Variants in LRBA observed in about 807,000 individuals in gnomAD.
LRBA encodes LPS responsive beige-like anchor protein, also known as lipopolysaccharide-responsive and beige-like anchor protein.
A neutral mutation model predicts 330.0 loss-of-function variants in LRBA; 176 were observed. That is an observed-to-expected ratio of 0.53 (90% CI 0.47 to 0.60). The LOEUF is 0.60. Ranked by LOEUF, LRBA falls within the 20% of genes least tolerant of loss-of-function variation. The pLI is 0.00. For missense variants in LRBA, 3,259 were observed against 3,444.8 expected (o/e 0.95, Z 1.35); for synonymous variants, 1,230 against 1,193.0 (o/e 1.03, Z -0.64).
At position 150,607,690 on chromosome 4, in the gene LRBA, C is replaced by T. The variant is rs183042678; in HGVS notation, c.5922-8559G>A. Among the ~76,000 whole-genome samples the T allele has an allele frequency of 4.0e-5, 6 of 151,796 alleles. No individual in the cohort carries two copies. In the East Asian group the frequency reaches 5.8e-4, roughly 15 times the overall value. On this transcript the variant is annotated intron_variant, in intron 37 of 56. Transcript: ENST00000651943. Reference sequence around the variant, plus strand: ...GCTGAGACAGGTGGATCACTTGAGCCGTGGAGTTCAAGACCAGCCTGGCCA... The same window carrying T: ...GCTGAGACAGGTGGATCACTTGAGCTGTGGAGTTCAAGACCAGCCTGGCCA...
chr4:150,440,047 T>C (rs997424639), intron 44 of LRBA, among the ~76,000 whole-genome samples: 4 of 152,190 alleles, frequency 2.6e-5, no homozygotes, highest in African/African-American at 4.8e-5. Flanking sequence ...ACTTATATAG[T>C]ATATTAAGAG....
At chr4:150,896,001 C>A (rs967120104) in intron 16 of LRBA, among the ~76,000 whole-genome samples, 13 of 152,124 alleles carry the variant, frequency 8.5e-5, no homozygotes, top group Non-Finnish European at 1.8e-4. Context: ...TATAAATGAG[C>A]TGTTTAATAT....
rs1334642981 is a variant in LRBA at position 150,647,360 on chromosome 4, T to TTC, written c.5921+36190_5921+36191insGA. 8.1e-5 allele frequency among the ~76,000 whole-genome samples: 11 copies of TTC among 135,460 alleles called. No individual in the cohort carries two copies. In the Admixed American group the frequency reaches 8.2e-4, roughly 10 times the overall value. The allele number at this position is 135,460 out of a possible 152,430, so 88.9% of individuals were successfully genotyped here. On this transcript the variant is annotated intron_variant, in intron 37 of 56. Transcript: ENST00000651943. Reference sequence around the variant, plus strand: ...TAAAATGATTACTTTTTCTTTTTTTTTTTTTTTTTTTTTTTGAGACAGGGT... The same window carrying TTC: ...TAAAATGATTACTTTTTCTTTTTTTTTCTTTTTTTTTTTTTTTGAGACAGGGT...
At chr4:150,368,125 G>T (rs1301002572) in intron 47 of LRBA, among the ~76,000 whole-genome samples, 1 of 151,930 alleles carries the variant, frequency 6.6e-6, no homozygotes. Context: ...TTCTCTCAAG[G>T]TGCCGGTTCC....
rs1553964882 is a variant in LRBA, at chr4:150,803,083, T to TACACACAC, written c.5518+3180_5518+3187dup. On this transcript the variant is annotated intron_variant, in intron 33 of 56. Transcript: ENST00000651943. ...AAAACAAACAAAAAAAAAATATATA[T>TACACACAC]ACACACACACACACACACACACACA... Among the ~76,000 whole-genome samples, 36 of 128,484 alleles carry TACACACAC rather than the reference T, an allele frequency of 2.8e-4. 2 individuals are homozygous for TACACACAC. The highest frequency in any genetic ancestry group is 2.0e-3 in the East Asian group (9 of 4,506). The allele number at this position is 128,484 out of a possible 152,430, so 84.3% of individuals were successfully genotyped here.
chr4:150,277,860 C>T lies in LRBA; in HGVS notation c.8461G>A (p.Asp2821Asn), dbSNP rs191145485. The change falls in exon 56 of 57, where the codon GAC becomes AAC. Residue 2821 changes from aspartate to asparagine, a missense_variant. Transcript: ENST00000651943. ...AGIRAMALSY[D>N]QRCIISGMAS... ...CCATGATTCCAGTGTTACCTCTGGT[C>T]GTAAGACAGCGCCATGGCCCGGATT... 8.1e-5 allele frequency: 131 copies of T among 1,613,946 alleles called. No individual in the cohort carries two copies. Among genetic ancestry groups the T allele is most frequent in the Admixed American group, 1.7e-4 (10 of 60,002 alleles).
intron 40 of LRBA, among the ~76,000 whole-genome samples, chr4:150,576,477 C>T (rs1430021854): frequency 1.3e-5 from 2 of 152,012 alleles, no homozygotes; most frequent in African/African-American, 4.8e-5. Flanking sequence ...AATATAATGG[C>T]ATTTACTTCT....
intron 36 of LRBA, among the ~76,000 whole-genome samples, chr4:150,708,280 T>C (rs569962672): frequency 1.8e-4 from 27 of 152,014 alleles, no homozygotes; most frequent in African/African-American, 6.5e-4. Flanking sequence ...AAGCATATGT[T>C]ATGAATCTCC....
intron 37 of LRBA, among the ~76,000 whole-genome samples, chr4:150,658,373 ACTG>A (rs1225156289): frequency 6.6e-6 from 1 of 150,884 alleles, no homozygotes; most frequent in African/African-American, 2.4e-5. Flanking sequence ...AAAAAAAAAA[ACTG>A]CTGAAATCTT....
intron 37 of LRBA, among the ~76,000 whole-genome samples, chr4:150,659,103 A>G (rs1479761551): frequency 7.3e-6 from 1 of 136,370 alleles, no homozygotes; most frequent in African/African-American, 2.6e-5. Context: ...TTGGCCTCCC[A>G]AAGTGCCGAG....
intron 28 of LRBA, among the ~76,000 whole-genome samples, chr4:150,836,202 C>T (rs1163729721): frequency 2.6e-5 from 4 of 152,122 alleles, no homozygotes; most frequent in African/African-American, 9.7e-5. Flanking sequence ...ATTCGGTTTG[C>T]CAGTATTTTA....
rs1476992624 is a variant in LRBA, at chr4:150,491,038, A to G, written c.6331-3T>C. On this transcript the variant is annotated splice_polypyrimidine_tract_variant and splice_region_variant and intron_variant, in intron 40 of 56. Coordinates refer to ENST00000651943, the MANE Select transcript of LRBA (RefSeq NM_001364905.1). ...AGCCCTTCTGTATATGCCAAGATCTAATGAGGAAAAAAATAATCCCAGGTA... is the reference window on the plus strand; with the variant it reads ...AGCCCTTCTGTATATGCCAAGATCTGATGAGGAAAAAAATAATCCCAGGTA... 2.1e-6 allele frequency: 3 copies of G among 1,455,656 alleles called. No individual in the cohort carries two copies. Among genetic ancestry groups the G allele is most frequent in the African/African-American group, 1.4e-5 (1 of 71,794 alleles). The allele number at this position is 1,455,656 out of a possible 1,614,324, so 90.2% of individuals were successfully genotyped here. A position where few individuals can be genotyped will look rare whatever the true frequency, so the allele number is the denominator to read the frequency against.
chr4:150,576,940 T>A lies in LRBA; in HGVS notation c.6330+11108A>T, dbSNP rs184947889. Among the ~76,000 whole-genome samples, 662 of 151,664 alleles carry A rather than the reference T, an allele frequency of 4.4e-3. 6 individuals carry two copies. Among genetic ancestry groups the A allele is most frequent in the African/African-American group, 0.012 (493 of 41,440 alleles). ...ACTAATCAAAGAGAGTAAAAAAAAA[T>A]TTTTTTTATTAAGGCTATTTTGTGA... On this transcript the variant is annotated intron_variant, in intron 40 of 56. Coordinates refer to ENST00000651943, the MANE Select transcript of LRBA (RefSeq NM_001364905.1).
intron 34 of LRBA, among the ~76,000 whole-genome samples, chr4:150,795,245 T>C (rs1301689139): frequency 6.6e-6 from 1 of 152,094 alleles, no homozygotes; most frequent in African/African-American, 2.4e-5. Flanking sequence ...TGGAGTAATA[T>C]TACTTGAAAC....
chr4:150,427,094 T>C (rs6812262), intron 46 of LRBA, among the ~76,000 whole-genome samples: 22,704 of 151,864 alleles, frequency 0.15, 1,714 homozygotes, highest in Middle Eastern at 0.17. Context: ...GGTAGACATA[T>C]ATTTAGTATG....
intron 28 of LRBA, among the ~76,000 whole-genome samples, chr4:150,839,540 T>C (rs954876916): frequency 2.0e-5 from 3 of 152,182 alleles, no homozygotes; most frequent in Admixed American, 1.3e-4. Flanking sequence ...ATATACACCA[T>C]GGAATACTAT....
At chr4:150,441,512 T>C (rs1015428754) in intron 44 of LRBA, among the ~76,000 whole-genome samples, 1 of 152,140 alleles carries the variant, frequency 6.6e-6, no homozygotes, top group African/African-American at 2.4e-5. Flanking sequence ...TTTGGTCTAA[T>C]ATTAGTAAAA....
At chr4:150,963,832 C>T (rs1206243627) in intron 2 of LRBA, among the ~76,000 whole-genome samples, 1 of 148,224 alleles carries the variant, frequency 6.7e-6, no homozygotes, top group Non-Finnish European at 1.5e-5. Context: ...CTCTTCCCGG[C>T]AGTCATCCCG....
At chr4:150,716,872 G>A (rs1728272152) in intron 36 of LRBA, among the ~76,000 whole-genome samples, 1 of 152,150 alleles carries the variant, frequency 6.6e-6, no homozygotes, top group Non-Finnish European at 1.5e-5. Flanking sequence ...ACTGTACTGG[G>A]TTATTGTTAT....
Sources: allele counts gnomAD v4.1 joint callset (sites outside exome capture counted in the v4.1 genomes callset), GRCh38; gene constraint gnomAD v4.1.1; transcripts MANE v1.5; gene names NCBI Gene and HGNC (gene_info 2026-07-23, HGNC 2026-07-21).